Variants in NHEJ1 observed in about 807,000 individuals in gnomAD.
NHEJ1 encodes non-homologous end-joining factor 1.
In NHEJ1, 22 loss-of-function variants were observed where a neutral mutation model predicts 39.4. The observed-to-expected ratio is 0.56, with a 90% CI of 0.40 to 0.80. NHEJ1 has a LOEUF of 0.80. Among genes scored for constraint, NHEJ1 ranks in the 30% least tolerant of loss-of-function variants. NHEJ1 has a pLI of 0.00. For missense variants in NHEJ1, 329 were observed against 357.1 expected, an observed-to-expected ratio of 0.92 and a Z score of 0.63; for synonymous variants, 154 against 135.6, an observed-to-expected ratio of 1.14 and a Z score of -0.94.
chr2:219,097,838 A>G (rs902781688), intron 5 of NHEJ1, among the ~76,000 whole-genome samples: 1 of 152,342 alleles, frequency 6.6e-6, no homozygotes, highest in African/African-American at 2.4e-5. Context: ...GATGATGTTT[A>G]AAGCCATGAG....
At chr2:219,123,007 G>A (rs1022393442) in intron 5 of NHEJ1, among the ~76,000 whole-genome samples, 6 of 152,158 alleles carry the variant, frequency 3.9e-5, no homozygotes, top group Non-Finnish European at 5.9e-5. Context: ...TGTGTCCTAC[G>A]TCCCTGGCAC....
chr2:219,112,522 C>A (rs1013273427), intron 5 of NHEJ1, among the ~76,000 whole-genome samples: 1 of 152,136 alleles, frequency 6.6e-6, no homozygotes, highest in Non-Finnish European at 1.5e-5. Flanking sequence ...GAGAGCTTGA[C>A]CTTGCCTTGA....
At position 219,129,683 on chromosome 2, in the gene NHEJ1, G is replaced by A. The variant is rs182287297; in HGVS notation, c.588+16997C>T. Among the ~76,000 whole-genome samples, 12 of 152,294 alleles carry A rather than the reference G, an allele frequency of 7.9e-5. No homozygotes were observed. The East Asian group carries it at 1.9e-3, about 25-fold the overall frequency. On this transcript the variant is annotated intron_variant, in intron 5 of 7. Transcript: ENST00000356853. ...ATAAGCAAAATAAAATTCATAAAGC[G>A]AAGCAGTAATTATGGTGTGGTCAAC...
At chr2:219,138,063 C>G (rs1215904062) in intron 5 of NHEJ1, among the ~76,000 whole-genome samples, 2 of 152,228 alleles carry the variant, frequency 1.3e-5, no homozygotes, top group East Asian at 3.9e-4. Flanking sequence ...TCCTTTTTTA[C>G]GATGCCCACA....
chr2:219,104,208 A>C (rs1428197381), intron 5 of NHEJ1, among the ~76,000 whole-genome samples: 3 of 152,254 alleles, frequency 2.0e-5, no homozygotes, highest in Non-Finnish European at 4.4e-5. Flanking sequence ...TGCCATGCAC[A>C]ACCTGCAGGG....
Position 219,158,330 on chromosome 2 carries a change from C to T in NHEJ1, c.33G>A (p.Gln11=), listed in dbSNP as rs1156684970. 6.2e-7 allele frequency: 1 copy of T among 1,614,070 alleles called. No individual in the cohort carries two copies. The highest frequency in any genetic ancestry group is 1.3e-5 in the African/African-American group (1 of 74,900). Residue 11 remains glutamine (Q), a synonymous_variant, in exon 2 of 8, where the codon CAG becomes CAA. Coordinates refer to ENST00000356853, the MANE Select transcript of NHEJ1 (RefSeq NM_024782.3). MEELEQGLLM[Q]PWAWLQLAEN... The stretch of plus-strand genomic sequence containing the variant: ...CTGCAAGCTGTAGCCACGCCCATGG[C>T]TGCATCAACAGGCCTTGCTCCAGTT...
chr2:219,154,944 T>C (rs1949838184), intron 3 of NHEJ1, among the ~76,000 whole-genome samples: 1 of 147,432 alleles, frequency 6.8e-6, no homozygotes, highest in Non-Finnish European at 1.5e-5. Context: ...ACATATAATA[T>C]ATGTTAATAT....
rs1272880151 is a variant in NHEJ1, at chr2:219,072,685, T to C, written c.*3696A>G. ...GAAAAGTGCACAGGAAGTGTGTCTA[T>C]TAACACAGTCTACATTAACAGCATA... On this transcript the variant is annotated 3_prime_UTR_variant, in exon 8 of 8. Coordinates refer to ENST00000356853, the MANE Select transcript of NHEJ1 (RefSeq NM_024782.3). Among the ~76,000 whole-genome samples the C allele has an allele frequency of 6.6e-6, 1 of 152,204 alleles. No individual in the cohort carries two copies. The highest frequency in any genetic ancestry group is 1.5e-5 in the Non-Finnish European group (1 of 68,040).
At chr2:219,159,546 TATATGC>T (rs1559206181) in intron 1 of NHEJ1, among the ~76,000 whole-genome samples, 1 of 26,450 alleles carries the variant, frequency 3.8e-5, no homozygotes, top group African/African-American at 8.3e-5. Context: ...TGCATATATA[TATATGC>T]ATATATATAT....
intron 5 of NHEJ1, among the ~76,000 whole-genome samples, chr2:219,118,521 T>C (rs1574722975): frequency 1.3e-5 from 2 of 151,976 alleles, no homozygotes; most frequent in South Asian, 2.1e-4. Flanking sequence ...AGAGCCTTGA[T>C]TCAGGGGGCC....
chr2:219,088,385 T>C (rs538272056), intron 5 of NHEJ1, among the ~76,000 whole-genome samples: 105 of 152,214 alleles, frequency 6.9e-4, no homozygotes, highest in Admixed American at 1.7e-3. Flanking sequence ...CCCAGCACTT[T>C]GGGAGGCCGA....
chr2:219,141,656 G>A (rs967264127), intron 5 of NHEJ1, among the ~76,000 whole-genome samples: 1 of 152,070 alleles, frequency 6.6e-6, no homozygotes, highest in Non-Finnish European at 1.5e-5. Flanking sequence ...TGCTTTATGT[G>A]GGACATCCAG....
chr2:219,145,175 A>G (rs1949723855), intron 5 of NHEJ1, among the ~76,000 whole-genome samples: 1 of 152,164 alleles, frequency 6.6e-6, no homozygotes, highest in South Asian at 2.1e-4. Flanking sequence ...AGATTGTGCC[A>G]TGGCACTCCA....
At chr2:219,115,738 T>C (rs765766993) in intron 5 of NHEJ1, among the ~76,000 whole-genome samples, 4 of 152,322 alleles carry the variant, frequency 2.6e-5, no homozygotes, top group Non-Finnish European at 4.4e-5. Flanking sequence ...CGACAACTCA[T>C]GTGGGCTGTC....
In NHEJ1 at chr2:219,075,075, C is replaced by T. The variant is rs1276810124; in HGVS notation, c.*1306G>A. Among the ~76,000 whole-genome samples, 1 of 152,162 alleles carries T rather than the reference C, an allele frequency of 6.6e-6. No individual in the cohort carries two copies. The highest frequency in any genetic ancestry group is 2.4e-5 in the African/African-American group (1 of 41,422). ...AGACTGGAAAGAAGAACCTAATGTCCTTTCTGGAAAATAAATGTTTTCATT... is the reference window on the plus strand; with the variant it reads ...AGACTGGAAAGAAGAACCTAATGTCTTTTCTGGAAAATAAATGTTTTCATT... On this transcript the variant is annotated 3_prime_UTR_variant, in exon 8 of 8. Transcript: ENST00000356853.
In NHEJ1 at chr2:219,078,285, GC is replaced by G. The variant is rs60394957; in HGVS notation, c.589-80del. 4,189 of 1,187,694 alleles carry G rather than the reference GC, an allele frequency of 3.5e-3. 108 individuals carry two copies. The African/African-American group carries it at 0.055, about 15-fold the overall frequency. 73.6% of individuals were successfully genotyped at this position (1,187,694 alleles called of 1,614,324 possible). A position where few individuals can be genotyped will look rare whatever the true frequency, so the allele number is the denominator to read the frequency against. ...ATCTAATACCCCACATGCAGAACCG[GC>G]ATCAACCCCAAATGAATTAATATAA... On this transcript the variant is annotated intron_variant, in intron 5 of 7. Transcript: ENST00000356853.
intron 5 of NHEJ1, among the ~76,000 whole-genome samples, chr2:219,116,247 C>T (rs983375955): frequency 6.6e-6 from 1 of 152,234 alleles, no homozygotes; most frequent in African/African-American, 2.4e-5. Context: ...AACGGAGAAT[C>T]TGAGAACAGC....
chr2:219,157,054 A>G (rs1949861239), intron 3 of NHEJ1, among the ~76,000 whole-genome samples: 1 of 152,170 alleles, frequency 6.6e-6, no homozygotes, highest in Non-Finnish European at 1.5e-5. Flanking sequence ...TTCAAAACTT[A>G]GCTCAGTAAC....
At chr2:219,146,219 C>T (rs2106361208) in intron 5 of NHEJ1, among the ~76,000 whole-genome samples, 1 of 152,224 alleles carries the variant, frequency 6.6e-6, no homozygotes, top group Middle Eastern at 3.4e-3. Flanking sequence ...TGTGATTTTC[C>T]ACAACCTACT....
Sources: allele counts gnomAD v4.1 joint callset (sites outside exome capture counted in the v4.1 genomes callset), GRCh38; gene constraint gnomAD v4.1.1; transcripts MANE v1.5; gene names NCBI Gene and HGNC (gene_info 2026-07-23, HGNC 2026-07-21).